Variants in ASTN2 observed in about 807,000 individuals in gnomAD.
The protein encoded by ASTN2 is astrotactin-2.
ASTN2 carries 54 observed loss-of-function variants against 139.8 expected under a neutral mutation model. The ratio of observed to expected loss-of-function variants is 0.39; its 90% CI spans 0.31 to 0.48. The LOEUF (loss-of-function observed/expected upper bound fraction) is 0.48, where lower values mean the gene tolerates loss of function less well. Ranked by LOEUF, ASTN2 falls within the 20% of genes least tolerant of loss-of-function variation. The probability of loss-of-function intolerance (pLI) is 0.95; values close to 1 mark genes in which losing one functional copy is unlikely to be tolerated. For missense variants in ASTN2, 1,565 were observed against 1,725.1 expected (o/e 0.91, Z 1.64); for synonymous variants, 756 against 719.5 (o/e 1.05, Z -0.81).
chr9:116,840,666 CG>C (rs1832214137), intron 11 of ASTN2, among the ~76,000 whole-genome samples: 2 of 83,106 alleles, frequency 2.4e-5, no homozygotes, highest in Non-Finnish European at 5.7e-5. Context: ...TCAGACGGGG[CG>C]GTTGCCAGGC....
chr9:117,124,446 C>T (rs1189182756), intron 4 of ASTN2, among the ~76,000 whole-genome samples: 1 of 152,056 alleles, frequency 6.6e-6, no homozygotes, highest in Non-Finnish European at 1.5e-5. Context: ...CTGGAGGCTT[C>T]TGGAATCTTG....
At chr9:116,745,180 T>G (rs763113496) in intron 13 of ASTN2, among the ~76,000 whole-genome samples, 1 of 152,162 alleles carries the variant, frequency 6.6e-6, no homozygotes, top group Non-Finnish European at 1.5e-5. Flanking sequence ...AGAAGTGTCT[T>G]ATTTAAGGCC....
rs1290893265 is a variant in ASTN2 at position 117,414,366 on chromosome 9, C to T, written c.442+131G>A. On this transcript the variant is annotated intron_variant, in intron 1 of 22. Transcript: ENST00000313400. This position sits in a 1 kb window ranked among gnomAD's most constrained non-coding sequence, Gnocchi z 4.2. ...AACCACCTGTGCGACCTCTGGGCCC[C>T]TCCTCTACCCTCTGCCAACCCCACT... is the stretch of plus-strand genomic sequence containing the variant. 4.2e-6 allele frequency: 6 copies of T among 1,413,286 alleles called. No individual in the cohort carries two copies. In the Admixed American group the frequency reaches 1.6e-4, roughly 38 times the overall value. The allele number at this position is 1,413,286 out of a possible 1,614,324, so 87.5% of individuals were successfully genotyped here.
At chr9:116,702,565 C>A (rs1211064635) in intron 16 of ASTN2, among the ~76,000 whole-genome samples, 1 of 152,070 alleles carries the variant, frequency 6.6e-6, no homozygotes, top group African/African-American at 2.4e-5. Context: ...TAACATGGTG[C>A]CTAGTATAGA....
chr9:116,624,535 G>C (rs902270275), intron 17 of ASTN2, among the ~76,000 whole-genome samples: 3 of 152,170 alleles, frequency 2.0e-5, no homozygotes, highest in African/African-American at 7.2e-5. Context: ...CTAAAACTAT[G>C]ACAATATCTT....
intron 4 of ASTN2, among the ~76,000 whole-genome samples, chr9:117,122,090 C>T (rs1332342801): frequency 1.3e-5 from 2 of 152,138 alleles, no homozygotes; most frequent in Admixed American, 1.3e-4. Context: ...ATTGCAAGTT[C>T]CAATCAGGAG....
At chr9:117,016,643 T>TA (rs1837703048) in intron 6 of ASTN2, among the ~76,000 whole-genome samples, 1 of 98,212 alleles carries the variant, frequency 1.0e-5, no homozygotes, top group Non-Finnish European at 2.0e-5. Flanking sequence ...TATATATATA[T>TA]ATATATATAT....
intron 5 of ASTN2, among the ~76,000 whole-genome samples, chr9:117,074,883 A>G (rs538623326): frequency 6.6e-6 from 1 of 152,316 alleles, no homozygotes; most frequent in South Asian, 2.1e-4. Flanking sequence ...AGTGAAGACC[A>G]TGAGACACAG....
In ASTN2 at chr9:117,072,821, C is replaced by G. The variant is rs572112353; in HGVS notation, c.1276+23223G>C. Among the ~76,000 whole-genome samples, 5 of 152,258 alleles carry G rather than the reference C, an allele frequency of 3.3e-5. No individual in the cohort carries two copies. The South Asian group carries it at 1.0e-3, about 32-fold the overall frequency. ...CAGCAAAGTAATGGCAGAACTAAAA[C>G]CTTTGACTTCTAATTCAGTGCTCTG... On this transcript the variant is annotated intron_variant, in intron 5 of 22. Transcript: ENST00000313400.
chr9:116,683,933 A>G (rs1860043792), intron 16 of ASTN2, among the ~76,000 whole-genome samples: 1 of 152,220 alleles, frequency 6.6e-6, no homozygotes. Flanking sequence ...ATTAATGTAT[A>G]GAGCCAATTA....
At chr9:117,114,161 T>C (rs1046910048) in intron 4 of ASTN2, among the ~76,000 whole-genome samples, 1 of 135,740 alleles carries the variant, frequency 7.4e-6, no homozygotes, top group African/African-American at 2.8e-5. Flanking sequence ...TTAATGAACA[T>C]TAGTCTTTTT....
chr9:116,465,622 AATAAC>A (rs1263502561), intron 20 of ASTN2, among the ~76,000 whole-genome samples: 2 of 152,206 alleles, frequency 1.3e-5, no homozygotes, highest in African/African-American at 2.4e-5. Flanking sequence ...AATAATAAAT[AATAAC>A]AATACAAGCT....
chr9:116,534,254 T>A (rs1308758836), intron 19 of ASTN2, among the ~76,000 whole-genome samples: 2 of 152,214 alleles, frequency 1.3e-5, no homozygotes, highest in Non-Finnish European at 2.9e-5. Context: ...TTCTCTCTTT[T>A]CTTCTTTATG....
At chr9:117,094,043 G>C (rs1260341904) in intron 5 of ASTN2, among the ~76,000 whole-genome samples, 1 of 150,534 alleles carries the variant, frequency 6.6e-6, no homozygotes, top group Non-Finnish European at 1.5e-5. Flanking sequence ...CTGCCTAGAA[G>C]AGTGGCAGGC....
At chr9:117,339,532 C>T (rs1193884468) in intron 1 of ASTN2, among the ~76,000 whole-genome samples, 5 of 152,126 alleles carry the variant, frequency 3.3e-5, no homozygotes, top group South Asian at 2.1e-4. Flanking sequence ...GCCAACACTC[C>T]GTTTACAAAG....
intron 19 of ASTN2, among the ~76,000 whole-genome samples, chr9:116,489,927 C>A (rs537031714): frequency 2.6e-5 from 4 of 152,286 alleles, no homozygotes; most frequent in African/African-American, 9.6e-5. Flanking sequence ...GCTGCCACTG[C>A]AAGACAGACC....
chr9:117,018,885 C>T (rs191415882), intron 6 of ASTN2, among the ~76,000 whole-genome samples: 1 of 152,074 alleles, frequency 6.6e-6, no homozygotes, highest in African/African-American at 2.4e-5. Flanking sequence ...ATTGTACAGA[C>T]AAGGAAATTG....
At chr9:117,036,181 AG>A (rs1216171539) in intron 6 of ASTN2, among the ~76,000 whole-genome samples, 2 of 152,156 alleles carry the variant, frequency 1.3e-5, no homozygotes, top group Non-Finnish European at 2.9e-5. Context: ...AACAAAATTG[AG>A]ATCCAAACCA....
intron 2 of ASTN2, among the ~76,000 whole-genome samples, chr9:117,240,842 G>A (rs1833184325): frequency 6.6e-6 from 1 of 152,128 alleles, no homozygotes; most frequent in African/African-American, 2.4e-5. Context: ...CCTAAGCCAT[G>A]CTTTCTGCAG....
Sources: gnomAD v4.1 joint callset for allele counts (sites outside exome capture counted in the v4.1 genomes callset) on GRCh38, gnomAD v4.1.1 for gene constraint, Gnocchi (gnomAD v3.1) non-coding constraint, MANE v1.5 for transcripts, NCBI Gene and HGNC (gene_info 2026-07-23, HGNC 2026-07-21) for gene names.